Variants in PTPRN2 observed in about 807,000 individuals in gnomAD.
PTPRN2 encodes the protein protein tyrosine phosphatase receptor type N2.
A neutral mutation model predicts 118.8 loss-of-function variants in PTPRN2; 74 were observed. The observed-to-expected ratio is 0.62, with a 90% CI of 0.52 to 0.76. The LOEUF is 0.76. PTPRN2 is among the 30% of genes least tolerant of loss of function. The pLI, the probability that PTPRN2 is intolerant of heterozygous loss-of-function variation, is 0.00. For synonymous variants in PTPRN2, 641 were observed against 608.0 expected (o/e 1.05, Z -0.80); for missense variants, 1,481 against 1,394.4 (o/e 1.06, Z -0.99).
chr7:158,167,084 T>G lies in PTPRN2; in HGVS notation c.757A>C (p.Arg253=), dbSNP rs1218654998. The change falls in exon 6 of 23, where the codon AGG becomes CGG. Residue 253 remains arginine, a synonymous_variant. Coordinates refer to ENST00000389418, the MANE Select transcript of PTPRN2 (RefSeq NM_002847.5). ...MAALSAYAAQ[R]PPAPPGEGSL... ...CCCTCCCCGGGGGGAGCTGGGGGCC[T>G]CTGGGCAGCATAGGCACTGAGGGCC... 5 of 1,606,968 alleles carry G rather than the reference T, an allele frequency of 3.1e-6. No homozygotes were observed. The highest frequency in any genetic ancestry group is 1.7e-5 in the Admixed American group (1 of 59,148).
chr7:157,951,348 G>A (rs752580380), intron 11 of PTPRN2, among the ~76,000 whole-genome samples: 8 of 152,188 alleles, frequency 5.3e-5, no homozygotes, highest in Non-Finnish European at 7.3e-5. Flanking sequence ...ATATGACTGG[G>A]GATGTGTAAG....
intron 12 of PTPRN2, among the ~76,000 whole-genome samples, chr7:157,846,262 A>G (rs1242942028): frequency 1.3e-5 from 2 of 152,056 alleles, no homozygotes; most frequent in African/African-American, 4.8e-5. Context: ...GTACGTTTGC[A>G]TCCTAGGAAA....
At chr7:157,712,476 C>T (rs1798692714) in intron 12 of PTPRN2, among the ~76,000 whole-genome samples, 3 of 152,094 alleles carry the variant, frequency 2.0e-5, no homozygotes, top group Non-Finnish European at 2.9e-5. Context: ...TGAGGCTGGG[C>T]AGGGTGGCTC....
chr7:158,416,166 A>C (rs1814639888), intron 2 of PTPRN2, among the ~76,000 whole-genome samples: 1 of 152,236 alleles, frequency 6.6e-6, no homozygotes, highest in African/African-American at 2.4e-5. Flanking sequence ...GGCCCCATGC[A>C]CTGGAGGAAG....
At chr7:157,952,003 G>C (rs78765289) in intron 11 of PTPRN2, among the ~76,000 whole-genome samples, 2 of 152,174 alleles carry the variant, frequency 1.3e-5, no homozygotes, top group Non-Finnish European at 2.9e-5. Context: ...CCTGCGCCCC[G>C]CACTGCGTTC....
intron 2 of PTPRN2, among the ~76,000 whole-genome samples, chr7:158,369,943 A>G (rs1198878715): frequency 6.6e-6 from 1 of 152,214 alleles, no homozygotes; most frequent in African/African-American, 2.4e-5. Flanking sequence ...TGTGAAGAGG[A>G]CAGTGTGGTC....
rs1236840091 is a variant in PTPRN2 at position 157,587,371 on chromosome 7, A to C, written c.2496+7867T>G. On this transcript the variant is annotated intron_variant, in intron 17 of 22. Coordinates refer to ENST00000389418, the MANE Select transcript of PTPRN2 (RefSeq NM_002847.5). The surrounding 1 kb of genome is among the most constrained non-coding windows in gnomAD (Gnocchi z 5.3). Reference sequence around the variant, plus strand: ...CATTCTCCTGCACCTCGGCCTTGTCACCGGTGGCTGGCAGGCAGTTGGAAG... The same window carrying C: ...CATTCTCCTGCACCTCGGCCTTGTCCCCGGTGGCTGGCAGGCAGTTGGAAG... Among the ~76,000 whole-genome samples, 1 of 152,178 alleles carries C rather than the reference A, an allele frequency of 6.6e-6. No homozygotes were observed. The highest frequency in any genetic ancestry group is 2.4e-5 in the African/African-American group (1 of 41,434).
intron 12 of PTPRN2, among the ~76,000 whole-genome samples, chr7:157,803,491 G>A (rs1805445207): frequency 6.6e-6 from 1 of 152,190 alleles, no homozygotes; most frequent in South Asian, 2.1e-4. Flanking sequence ...TTTGGTGTCA[G>A]ATCCAAGAAA....
At chr7:157,830,656 C>T (rs1807505875) in intron 12 of PTPRN2, among the ~76,000 whole-genome samples, 1 of 152,266 alleles carries the variant, frequency 6.6e-6, no homozygotes, top group African/African-American at 2.4e-5. Flanking sequence ...GGCAATCCAA[C>T]AGGCCCAGGC....
chr7:158,340,395 A>T (rs1806458684), intron 2 of PTPRN2, among the ~76,000 whole-genome samples: 6 of 75,676 alleles, frequency 7.9e-5, no homozygotes, highest in Non-Finnish European at 1.4e-4. Context: ...TCACCATAAG[A>T]GCTGACACCC....
rs111265306 is a variant in PTPRN2, at chr7:157,579,440, A to G, written c.2497-1300T>C. 2.5e-3 allele frequency among the ~76,000 whole-genome samples: 386 copies of G among 152,348 alleles called. 1 individual carries two copies. Among genetic ancestry groups the G allele is most frequent in the African/African-American group, 8.6e-3 (359 of 41,572 alleles). ...TCCTCCAAATCGGTTCTTCCATCAC[A>G]TAACAATTTAATGTGCCTTCAGAAG... is the stretch of plus-strand genomic sequence containing the variant. On this transcript the variant is annotated intron_variant, in intron 17 of 22. Transcript: ENST00000389418.
intron 3 of PTPRN2, among the ~76,000 whole-genome samples, chr7:158,288,682 T>A (rs891161697): frequency 6.6e-6 from 1 of 152,240 alleles, no homozygotes; most frequent in African/African-American, 2.4e-5. Context: ...TTTCTCTTTT[T>A]ACCTTCATGC....
intron 15 of PTPRN2, among the ~76,000 whole-genome samples, chr7:157,607,794 G>C (rs1276312457): frequency 6.6e-6 from 1 of 152,184 alleles, no homozygotes; most frequent in Non-Finnish European, 1.5e-5. Context: ...CCCTAGCTCG[G>C]GAGTCCTGGG....
chr7:158,161,476 G>A lies in PTPRN2; in HGVS notation c.910+5455C>T, dbSNP rs113800399. ...AGCTTTGAAAAGGAGCAAAGGTGATGCTATGGAGAAAGGATCGCCTCTTAA... is the reference window on the plus strand; with the variant it reads ...AGCTTTGAAAAGGAGCAAAGGTGATACTATGGAGAAAGGATCGCCTCTTAA... On this transcript the variant is annotated intron_variant, in intron 6 of 22. Transcript: ENST00000389418. Among the ~76,000 whole-genome samples, 943 of 152,310 alleles carry A rather than the reference G, an allele frequency of 6.2e-3. 7 individuals are homozygous for A. The highest frequency in any genetic ancestry group is 0.021 in the African/African-American group (886 of 41,566).
intron 11 of PTPRN2, 113 bp from the exon 12 acceptor site, chr7:157,898,850 G>A (rs902757546): frequency 3.4e-5 from 31 of 917,898 alleles, no homozygotes; most frequent in Admixed American, 1.8e-4. Flanking sequence ...TGCTTGACCC[G>A]CCTACCTTAA....
chr7:158,274,661 C>T (rs1287563721), intron 3 of PTPRN2, among the ~76,000 whole-genome samples: 3 of 152,174 alleles, frequency 2.0e-5, no homozygotes, highest in African/African-American at 7.2e-5. Flanking sequence ...CGCGTGGCTT[C>T]CTGCTGCCTG....
chr7:157,731,797 C>T (rs1428678154), intron 12 of PTPRN2, among the ~76,000 whole-genome samples: 5 of 109,182 alleles, frequency 4.6e-5, no homozygotes, highest in Admixed American at 3.7e-4. Context: ...GCGCCCAGCA[C>T]AGTTACCCTT....
intron 9 of PTPRN2, among the ~76,000 whole-genome samples, chr7:158,131,750 C>T (rs1244574359): frequency 6.6e-6 from 1 of 151,650 alleles, no homozygotes; most frequent in Admixed American, 6.6e-5. Context: ...CATACACACA[C>T]ATGCACATAC....
intron 11 of PTPRN2, among the ~76,000 whole-genome samples, chr7:157,952,590 G>A (rs1217772238): frequency 6.6e-5 from 10 of 152,030 alleles, no homozygotes; most frequent in Non-Finnish European, 1.5e-4. Context: ...GTGGGTCTAG[G>A]GGTGAGGGAG....
Sources: gnomAD v4.1 joint callset for allele counts (sites outside exome capture counted in the v4.1 genomes callset) on GRCh38, gnomAD v4.1.1 for gene constraint, Gnocchi (gnomAD v3.1) non-coding constraint, MANE v1.5 for transcripts, NCBI Gene and HGNC (gene_info 2026-07-23, HGNC 2026-07-21) for gene names.